UVRAG: variants seen among roughly 807,000 people sequenced by gnomAD.
UVRAG encodes UV radiation resistance-associated gene protein.
Under a neutral mutation model 78.0 loss-of-function variants are expected in UVRAG, and 19 were observed. The observed-to-expected ratio is 0.24, with a 90% CI of 0.17 to 0.36. The LOEUF (loss-of-function observed/expected upper bound fraction) is 0.36. Among genes scored for constraint, UVRAG ranks in the 10% least tolerant of loss-of-function variants. The pLI is 1.00. For missense variants in UVRAG, 740 were observed against 853.8 expected (o/e 0.87, Z 1.66); for synonymous variants, 323 against 324.6 (o/e 1.00, Z 0.05).
At chr11:76,111,140 G>T (rs1268281995) in intron 13 of UVRAG, among the ~76,000 whole-genome samples, 1 of 152,060 alleles carries the variant, frequency 6.6e-6, no homozygotes, top group Non-Finnish European at 1.5e-5. Flanking sequence ...CTACTAAAAT[G>T]CTACTAATAA....
intron 13 of UVRAG, among the ~76,000 whole-genome samples, chr11:76,072,484 T>G (rs1299795536): frequency 1.3e-5 from 2 of 152,202 alleles, no homozygotes; most frequent in Non-Finnish European, 2.9e-5. Context: ...CTCTTGCCAC[T>G]TATCCCAAAT....
At position 76,050,828 on chromosome 11, in the gene UVRAG, A is replaced by G. The variant is rs146710952; in HGVS notation, c.1227-14882A>G. Among the ~76,000 whole-genome samples, 188 of 152,210 alleles carry G rather than the reference A, an allele frequency of 1.2e-3. 1 individual carries two copies. The highest frequency in any genetic ancestry group is 4.2e-3 in the African/African-American group (175 of 41,534). On this transcript the variant is annotated intron_variant, in intron 12 of 14. Transcript: ENST00000356136. ...CAATCCTTAAAGATTGCTATTATTA[A>G]ACCTATTTTAGAGTTTTGGAAACAA...
chr11:75,829,011 A>G (rs984307397), intron 1 of UVRAG, among the ~76,000 whole-genome samples: 2 of 151,736 alleles, frequency 1.3e-5, no homozygotes, highest in African/African-American at 2.4e-5. Context: ...GTGAGCCACT[A>G]TGCCCAGCCA....
In UVRAG at chr11:75,820,555, A is replaced by C. The variant is rs1427159968; in HGVS notation, c.117+5031A>C. Among the ~76,000 whole-genome samples, 6 of 151,854 alleles carry C rather than the reference A, an allele frequency of 4.0e-5. No homozygotes were observed. In the South Asian group the frequency reaches 8.3e-4, roughly 21 times the overall value. On this transcript the variant is annotated intron_variant, in intron 1 of 14. Transcript: ENST00000356136. The stretch of plus-strand genomic sequence containing the variant: ...TTTTTGGTAGAGATGAGGTTTTGCC[A>C]TGTTGGCCAGGCTGGTCTTGAACTC...
intron 12 of UVRAG, among the ~76,000 whole-genome samples, chr11:76,050,646 GA>G (rs1326022947): frequency 6.6e-6 from 1 of 152,126 alleles, no homozygotes; most frequent in Non-Finnish European, 1.5e-5. Flanking sequence ...TGGAGGAAAA[GA>G]AAAGGGAAAT....
intron 12 of UVRAG, among the ~76,000 whole-genome samples, chr11:76,023,111 C>T (rs1565124377): frequency 6.6e-6 from 1 of 151,974 alleles, no homozygotes; most frequent in Admixed American, 6.6e-5. Context: ...CATTGTGTGC[C>T]CATAATACTG....
At chr11:75,907,875 A>G (rs1193093602) in intron 5 of UVRAG, among the ~76,000 whole-genome samples, 3 of 152,100 alleles carry the variant, frequency 2.0e-5, no homozygotes, top group Admixed American at 2.0e-4. Context: ...TCAGCTGTTC[A>G]TGGTGTATAA....
At chr11:76,037,151 A>G (rs1174077632) in intron 12 of UVRAG, among the ~76,000 whole-genome samples, 1 of 152,194 alleles carries the variant, frequency 6.6e-6, no homozygotes, top group Non-Finnish European at 1.5e-5. Flanking sequence ...ACAGGACAAT[A>G]GAAGAAAACA....
chr11:76,032,202 A>G (rs1452726702), intron 12 of UVRAG, among the ~76,000 whole-genome samples: 1 of 152,212 alleles, frequency 6.6e-6, no homozygotes, highest in Non-Finnish European at 1.5e-5. Flanking sequence ...TTCTCTAGAC[A>G]GTTTTCTAAG....
chr11:75,859,146 G>A (rs1223463683), intron 2 of UVRAG, among the ~76,000 whole-genome samples: 2 of 152,162 alleles, frequency 1.3e-5, no homozygotes, highest in African/African-American at 4.8e-5. Flanking sequence ...AGGCCGAGGC[G>A]TGTGGATCAT....
chr11:75,926,185 C>T (rs1002034245), intron 6 of UVRAG, among the ~76,000 whole-genome samples: 2 of 152,114 alleles, frequency 1.3e-5, no homozygotes, highest in African/African-American at 4.8e-5. Context: ...TGTGCCTCCC[C>T]GTGGAGGAGG....
chr11:76,107,499 A>G (rs1951992933), intron 13 of UVRAG, among the ~76,000 whole-genome samples: 1 of 152,242 alleles, frequency 6.6e-6, no homozygotes, highest in Non-Finnish European at 1.5e-5. Flanking sequence ...TCTAGGCTTC[A>G]GTCCTCAGAA....
At chr11:75,871,282 CTTTT>C (rs769390519) in intron 3 of UVRAG, among the ~76,000 whole-genome samples, 1 of 124,398 alleles carries the variant, frequency 8.0e-6, no homozygotes, top group Non-Finnish European at 1.7e-5. Context: ...GGCATATGCC[CTTTT>C]TTTTTTTTTT....
intron 6 of UVRAG, among the ~76,000 whole-genome samples, chr11:75,927,581 T>C (rs904385134): frequency 1.3e-5 from 2 of 152,144 alleles, no homozygotes; most frequent in East Asian, 3.9e-4. Flanking sequence ...TAGTGGTAAG[T>C]TCTATGAAGA....
At chr11:76,139,351 T>C (rs1429487100) in intron 14 of UVRAG, among the ~76,000 whole-genome samples, 1 of 152,220 alleles carries the variant, frequency 6.6e-6, no homozygotes, top group Non-Finnish European at 1.5e-5. Context: ...TGAAAATGTA[T>C]TATTTGAATA....
chr11:76,132,552 A>G (rs1330237525), intron 14 of UVRAG, among the ~76,000 whole-genome samples: 1 of 150,122 alleles, frequency 6.7e-6, no homozygotes, highest in African/African-American at 2.4e-5. Context: ...GAGAATTAGG[A>G]AAAAAAAAAG....
At position 76,008,816 on chromosome 11, in the gene UVRAG, A is replaced by G; in HGVS notation, c.1009A>G (p.Lys337Glu). 6.8e-7 allele frequency: 1 copy of G among 1,470,432 alleles called. No homozygotes were observed. Among genetic ancestry groups the G allele is most frequent in the Non-Finnish European group, 9.2e-7 (1 of 1,090,792 alleles). 91.1% of individuals were successfully genotyped at this position (1,470,432 alleles called of 1,614,324 possible). Residue 337 changes from lysine to glutamate, a missense_variant, in exon 11 of 15, where the codon AAG (lysine) becomes GAG (glutamate). Lys to Glu is a moderately conservative substitution (Grantham distance 56). Transcript: ENST00000356136. ...YIYPIDLNEH[K>E]DYFVCGVKLP... is the part of the protein sequence containing the mutation. ...TTAATTAAATTCACAGAATGAACAT[A>G]AGGATTACTTTGTATGCGGTGTCAA...
chr11:75,938,875 C>G (rs942065194), intron 6 of UVRAG, among the ~76,000 whole-genome samples: 3 of 152,190 alleles, frequency 2.0e-5, no homozygotes, highest in Non-Finnish European at 2.9e-5. Flanking sequence ...CTCTCGCACT[C>G]ATGGCTTCCC....
At chr11:75,861,924 TG>T in intron 3 of UVRAG, 144 bp downstream of exon 3, 1 of 674,624 alleles carries the variant, frequency 1.5e-6, no homozygotes, top group Admixed American at 2.9e-5. Flanking sequence ...ATCATTGTTT[TG>T]TTCATTGCTG....
Sources: gnomAD v4.1 joint callset for allele counts (sites outside exome capture counted in the v4.1 genomes callset) on GRCh38, gnomAD v4.1.1 for gene constraint, MANE v1.5 for transcripts, NCBI Gene and HGNC (gene_info 2026-07-23, HGNC 2026-07-21) for gene names.